PXDNL: variants seen among roughly 807,000 people sequenced by gnomAD.
PXDNL encodes peroxidasin like, also known as probable oxidoreductase PXDNL.
A neutral mutation model predicts 150.8 loss-of-function variants in PXDNL; 145 were observed. The observed-to-expected ratio is 0.96, with a 90% CI of 0.84 to 1.10. The LOEUF (loss-of-function observed/expected upper bound fraction) is 1.10, where lower values mean the gene tolerates loss of function less well. PXDNL is among the 50% of genes least tolerant of loss of function. The pLI is 0.00. For missense variants in PXDNL, 2,087 were observed against 1,873.9 expected, an observed-to-expected ratio of 1.11 and a Z score of -2.10; for synonymous variants, 757 against 725.7, an observed-to-expected ratio of 1.04 and a Z score of -0.69.
intron 2 of PXDNL, among the ~76,000 whole-genome samples, chr8:51,594,785 A>G (rs1813525959): frequency 6.6e-6 from 1 of 152,156 alleles, no homozygotes; most frequent in Admixed American, 6.5e-5. Context: ...AACCTTACCC[A>G]AGTAATGTTT....
intron 16 of PXDNL, among the ~76,000 whole-genome samples, chr8:51,409,901 T>C (rs751683972): frequency 1.4e-4 from 21 of 152,296 alleles, no homozygotes; most frequent in Non-Finnish European, 2.8e-4. Context: ...CTGTTCATCC[T>C]GTAAACAATG....
rs60146365 is a variant in PXDNL, at chr8:51,452,935, A to AACACATACACACACACACACACACACAC, written c.1249+583_1249+584insGTGTGTGTGTGTGTGTGTGTGTATGTGT. On this transcript the variant is annotated intron_variant, in intron 10 of 22. Coordinates refer to ENST00000356297, the MANE Select transcript of PXDNL (RefSeq NM_144651.5). Reference sequence around the variant, plus strand: ...ACACACACACAAACGCACACACACAAACACACACACACACACACACATGCA... The same window carrying AACACATACACACACACACACACACACAC: ...ACACACACACAAACGCACACACACAAACACATACACACACACACACACACACACACACACACACACACACACACATGCA... 5.2e-3 allele frequency among the ~76,000 whole-genome samples: 744 copies of AACACATACACACACACACACACACACAC among 142,646 alleles called. 3 individuals carry two copies. The highest frequency in any genetic ancestry group is 0.019 in the African/African-American group (716 of 37,150). The allele number at this position is 142,646 out of a possible 152,430, so 93.6% of individuals were successfully genotyped here.
intron 14 of PXDNL, among the ~76,000 whole-genome samples, chr8:51,418,982 G>T (rs928137742): frequency 6.6e-6 from 1 of 152,166 alleles, no homozygotes; most frequent in Admixed American, 6.5e-5. Flanking sequence ...TGGAGTAAGG[G>T]AGCTGGGGAG....
chr8:51,658,163 C>T (rs142526225), intron 1 of PXDNL, among the ~76,000 whole-genome samples: 55 of 151,896 alleles, frequency 3.6e-4, no homozygotes, highest in African/African-American at 1.2e-3. Flanking sequence ...GGCAACATGA[C>T]AAGACCCATC....
chr8:51,749,792 C>T (rs2037024649), intron 1 of PXDNL, among the ~76,000 whole-genome samples: 7 of 152,130 alleles, frequency 4.6e-5, no homozygotes, highest in Admixed American at 4.6e-4. Context: ...CCTCCGACTC[C>T]CTGGTTCAAG....
intron 17 of PXDNL, among the ~76,000 whole-genome samples, chr8:51,406,759 T>C (rs1808446236): frequency 6.6e-6 from 1 of 152,172 alleles, no homozygotes; most frequent in African/African-American, 2.4e-5. Flanking sequence ...CCAAGCCCTT[T>C]CCACACTGGT....
At chr8:51,392,915 G>A (rs1391313071) in intron 17 of PXDNL, among the ~76,000 whole-genome samples, 1 of 152,160 alleles carries the variant, frequency 6.6e-6, no homozygotes, top group Non-Finnish European at 1.5e-5. Flanking sequence ...CAATTTTAAT[G>A]TAAAGAGAAG....
chr8:51,463,814 G>A (rs1245845872), intron 8 of PXDNL, among the ~76,000 whole-genome samples: 3 of 151,886 alleles, frequency 2.0e-5, no homozygotes, highest in East Asian at 3.9e-4. Context: ...CTCAAAATAC[G>A]GAAATTGAAC....
chr8:51,509,741 T>TACACAC (rs61492447), intron 4 of PXDNL, among the ~76,000 whole-genome samples: 14 of 143,338 alleles, frequency 9.8e-5, no homozygotes, highest in South Asian at 7.0e-4. Context: ...TATACATATA[T>TACACAC]ACACACACAC....
intron 1 of PXDNL, among the ~76,000 whole-genome samples, chr8:51,744,799 G>GGA (rs2036959208): frequency 1.4e-5 from 2 of 146,510 alleles, no homozygotes; most frequent in Non-Finnish European, 3.0e-5. Context: ...AAAAGAGAAA[G>GGA]AGAGAGAAAG....
intron 4 of PXDNL, among the ~76,000 whole-genome samples, chr8:51,512,958 G>C (rs1192364487): frequency 6.6e-6 from 1 of 152,022 alleles, no homozygotes; most frequent in African/African-American, 2.4e-5. Flanking sequence ...GCCCAACCTA[G>C]GTTCTGTTCC....
chr8:51,476,703 G>A (rs1810486995), intron 6 of PXDNL, among the ~76,000 whole-genome samples: 1 of 152,160 alleles, frequency 6.6e-6, no homozygotes, highest in African/African-American at 2.4e-5. Flanking sequence ...TAAAAAGGGA[G>A]CTTTTGCTAA....
chr8:51,603,519 T>C (rs1231534356), intron 2 of PXDNL, among the ~76,000 whole-genome samples: 1 of 152,064 alleles, frequency 6.6e-6, no homozygotes, highest in Non-Finnish European at 1.5e-5. Flanking sequence ...TTGTAACAGA[T>C]GACTTTTTGA....
At chr8:51,495,271 A>T (rs1452865053) in intron 5 of PXDNL, among the ~76,000 whole-genome samples, 1 of 152,200 alleles carries the variant, frequency 6.6e-6, no homozygotes, top group East Asian at 1.9e-4. Context: ...TCTGGGACAC[A>T]TTCAAAGCAG....
intron 1 of PXDNL, among the ~76,000 whole-genome samples, chr8:51,692,500 T>C (rs1484620653): frequency 6.6e-6 from 1 of 152,212 alleles, no homozygotes; most frequent in Non-Finnish European, 1.5e-5. Flanking sequence ...TTGCCTTTTT[T>C]ACAAAAACCC....
intron 1 of PXDNL, among the ~76,000 whole-genome samples, chr8:51,655,651 A>G (rs1815134367): frequency 6.6e-6 from 1 of 152,206 alleles, no homozygotes; most frequent in Non-Finnish European, 1.5e-5. Flanking sequence ...AACTGGGGGC[A>G]GCATCTCCAC....
intron 12 of PXDNL, among the ~76,000 whole-genome samples, chr8:51,446,180 C>T (rs963235570): frequency 6.6e-6 from 1 of 152,236 alleles, no homozygotes; most frequent in African/African-American, 2.4e-5. Flanking sequence ...CTTCTTCTCA[C>T]ACCTACGTTG....
At chr8:51,534,307 G>A (rs1179308537) in intron 4 of PXDNL, among the ~76,000 whole-genome samples, 1 of 147,102 alleles carries the variant, frequency 6.8e-6, no homozygotes, top group African/African-American at 2.6e-5. Context: ...CGTCTGGGAA[G>A]TGAGGAGCGT....
At chr8:51,595,772 G>T (rs1813549397) in intron 2 of PXDNL, among the ~76,000 whole-genome samples, 1 of 151,646 alleles carries the variant, frequency 6.6e-6, no homozygotes, top group African/African-American at 2.4e-5. Context: ...CACAGCCACA[G>T]AAAAATATTT....
Sources: allele counts gnomAD v4.1 joint callset (sites outside exome capture counted in the v4.1 genomes callset), GRCh38; gene constraint gnomAD v4.1.1; transcripts MANE v1.5; gene names NCBI Gene and HGNC (gene_info 2026-07-23, HGNC 2026-07-21).